CSF2RA: variants seen among roughly 807,000 people sequenced by gnomAD.
CSF2RA encodes colony stimulating factor 2 receptor subunit alpha, also known as granulocyte-macrophage colony-stimulating factor receptor subunit alpha.
A neutral mutation model predicts 51.6 loss-of-function variants in CSF2RA; 42 were observed. The observed-to-expected ratio is 0.81, with a 90% CI of 0.64 to 1.05. CSF2RA has a LOEUF of 1.05. Among genes scored for constraint, CSF2RA ranks in the 50% least tolerant of loss-of-function variants. CSF2RA has a pLI of 0.00. For synonymous variants in CSF2RA, 222 were observed against 193.0 expected, an observed-to-expected ratio of 1.15 and a Z score of -1.24; for missense variants, 530 against 501.1, an observed-to-expected ratio of 1.06 and a Z score of -0.55.
At chrX:1,276,108 C>T (rs1389166947) in intron 2 of CSF2RA, among the ~76,000 whole-genome samples, 2 of 151,996 alleles carry the variant, frequency 1.3e-5, no homozygotes, top group Admixed American at 6.6e-5. Flanking sequence ...TGAAGCAATT[C>T]TCCCGCCTCA....
At position 1,288,890 on chromosome X, in the gene CSF2RA, T is replaced by C. The variant is rs1465689392; in HGVS notation, c.473+2T>C. 33 of 1,581,390 alleles carry C rather than the reference T, an allele frequency of 2.1e-5. No individual in the cohort carries two copies. The highest frequency in any genetic ancestry group is 2.8e-5 in the Non-Finnish European group (33 of 1,160,910). Reference sequence around the variant, plus strand: ...TTTTTTGTACATACGAAACTCAAAGTAAGTGTTCACCTCATGTGAAGAATT... The same window carrying C: ...TTTTTTGTACATACGAAACTCAAAGCAAGTGTTCACCTCATGTGAAGAATT... On this transcript the variant is annotated splice_donor_variant, in intron 6 of 12. Transcript: ENST00000381529. LOFTEE classifies it high-confidence loss of function.
chrX:1,280,588 T>C (rs1987479093), intron 2 of CSF2RA, among the ~76,000 whole-genome samples: 1 of 152,038 alleles, frequency 6.6e-6, no homozygotes, highest in South Asian at 2.1e-4. Context: ...CATTTTCTGG[T>C]TGACAATTGG....
At chrX:1,317,879 TCA>T in the CSF2RA span, among the ~76,000 whole-genome samples, 1 of 151,334 alleles carries the variant, frequency 6.6e-6, no homozygotes, top group African/African-American at 2.4e-5. Context: ...GACTCTTGGC[TCA>T]CGGCAGCCTC....
At chrX:1,301,093 C>A (rs2092335407) in intron 10 of CSF2RA, among the ~76,000 whole-genome samples, 1 of 151,038 alleles carries the variant, frequency 6.6e-6, no homozygotes, top group South Asian at 2.1e-4. Context: ...GCGGAGGTTG[C>A]ACTGAGCTGG....
chrX:1,283,064 G>C (rs2090219669), intron 3 of CSF2RA, among the ~76,000 whole-genome samples: 1 of 152,062 alleles, frequency 6.6e-6, no homozygotes, highest in East Asian at 1.9e-4. Flanking sequence ...GCCAGGATGA[G>C]GACCCATGTC....
chrX:1,308,749 C>T (rs1480747605), intron 12 of CSF2RA, among the ~76,000 whole-genome samples: 1 of 152,150 alleles, frequency 6.6e-6, no homozygotes, highest in Non-Finnish European at 1.5e-5. Context: ...GGGTCCCCCA[C>T]ATCGAGGTGC....
At chrX:1,279,933 G>T (rs1479292665) in intron 2 of CSF2RA, among the ~76,000 whole-genome samples, 3 of 151,906 alleles carry the variant, frequency 2.0e-5, no homozygotes, top group Non-Finnish European at 4.4e-5. Context: ...GGGATTACAG[G>T]CACCCACCAC....
intron 12 of CSF2RA, among the ~76,000 whole-genome samples, chrX:1,307,002 C>A (rs190144947): frequency 1.3e-5 from 2 of 151,520 alleles, no homozygotes; most frequent in Non-Finnish European, 2.9e-5. Context: ...ACAGAGGAGT[C>A]GGACTTAGTC....
At chrX:1,283,123 GTTCC>G (rs747822328) in intron 3 of CSF2RA, among the ~76,000 whole-genome samples, 38,732 of 93,978 alleles carry the variant, frequency 0.41, 5,525 homozygotes, top group East Asian at 0.52. Flanking sequence ...TCGTTCCTTC[GTTCC>G]TTCCTTCCTT....
rs779141109 is a variant in CSF2RA at position 1,294,324 on chromosome X, A to C, written c.647-4A>C. On this transcript the variant is annotated splice_polypyrimidine_tract_variant and splice_region_variant and intron_variant, in intron 7 of 12. Coordinates refer to ENST00000381529, the MANE Select transcript of CSF2RA (RefSeq NM_172245.4). ...CAGGGGTGTGTCCTGCGCCCTCGTT[A>C]CAGAACGATTCAACCCTCCCAGCAA... The C allele has an allele frequency of 3.1e-6, 5 of 1,613,170 alleles. No homozygotes were observed. The highest frequency in any genetic ancestry group is 4.2e-6 in the Non-Finnish European group (5 of 1,179,824).
chrX:1,288,735 T>C, intron 5 of CSF2RA, 24 bp from the exon 6 acceptor site: 3 of 1,613,914 alleles, frequency 1.9e-6, no homozygotes, highest in Non-Finnish European at 2.5e-6. Context: ...GAGTGAAAAT[T>C]ATTTTGTTTC....
At chrX:1,281,238 CTCCTTCTCCTCT>C (rs2090013150) in intron 2 of CSF2RA, among the ~76,000 whole-genome samples, 4 of 138,080 alleles carry the variant, frequency 2.9e-5, no homozygotes, top group Non-Finnish European at 6.3e-5. Context: ...TCTCCTACTC[CTCCTTCTCCTCT>C]TCCTTCTTCT....
chrX:1,301,152 C>G (rs28416644), intron 10 of CSF2RA, among the ~76,000 whole-genome samples: 17,152 of 129,100 alleles, frequency 0.13, 1,128 homozygotes, highest in Non-Finnish European at 0.15. Context: ...GACTCCGTCT[C>G]AAAAAAAAAA....
intron 11 of CSF2RA, among the ~76,000 whole-genome samples, chrX:1,304,421 A>G (rs2083342236): frequency 6.7e-6 from 1 of 148,526 alleles, no homozygotes; most frequent in Non-Finnish European, 1.5e-5. Flanking sequence ...AAGAACGGAG[A>G]AAACGGGAGA....
Position 1,290,953 on chromosome X carries a change from G to T in CSF2RA, c.646+444G>T, listed in dbSNP as rs1237272748. 1.3e-5 allele frequency among the ~76,000 whole-genome samples: 2 copies of T among 151,960 alleles called. 1 individual carries two copies. Among genetic ancestry groups the T allele is most frequent in the South Asian group, 4.1e-4 (2 of 4,826 alleles). ...TTTCCTTTTTTTGAGATAGAGTCTC[G>T]CTCTGTCACCCAGGCTGGAGTGCAG... On this transcript the variant is annotated intron_variant, in intron 7 of 12. Coordinates refer to ENST00000381529, the MANE Select transcript of CSF2RA (RefSeq NM_172245.4).
intron 2 of CSF2RA, among the ~76,000 whole-genome samples, chrX:1,276,360 A>ATATTTATTTATT (rs779415702): frequency 1.5e-3 from 220 of 149,816 alleles, no homozygotes; most frequent in African/African-American, 4.2e-3. Context: ...GTTTGTTTAT[A>ATATTTATTTATT]TATTTATTTA....
intron 10 of CSF2RA, among the ~76,000 whole-genome samples, chrX:1,302,640 G>C (rs763154933): frequency 3.0e-4 from 45 of 151,674 alleles, no homozygotes; most frequent in Admixed American, 2.7e-3. Context: ...GAGTAGCTGG[G>C]ATTACATTAG....
rs181855910 is a variant in CSF2RA at position 1,283,826 on chromosome X, C to T, written c.76+1047C>T. ...CTCAGGTGATCCCGTGCCTCGGCCT[C>T]CCAAAGTGCTAGGATTACAGCTATG... On this transcript the variant is annotated intron_variant, in intron 3 of 12. Transcript: ENST00000381529. Among the ~76,000 whole-genome samples, 397 of 152,118 alleles carry T rather than the reference C, an allele frequency of 2.6e-3. 3 individuals carry two copies. Among genetic ancestry groups the T allele is most frequent in the Middle Eastern group, 0.014 (4 of 294 alleles).
intron 2 of CSF2RA, among the ~76,000 whole-genome samples, chrX:1,275,030 G>C (rs2088984426): frequency 6.7e-6 from 1 of 150,340 alleles, no homozygotes; most frequent in African/African-American, 2.4e-5. Flanking sequence ...TCCTGAAGCA[G>C]CGTGACAAGG....
Sources: gnomAD v4.1 joint callset for allele counts (sites outside exome capture counted in the v4.1 genomes callset) on GRCh38, gnomAD v4.1.1 for gene constraint, MANE v1.5 for transcripts, NCBI Gene and HGNC (gene_info 2026-07-23, HGNC 2026-07-21) for gene names.